The following SYTL2 variants were observed in gnomAD, a reference collection of about 807,000 sequenced individuals.
SYTL2 encodes the protein synaptotagmin like 2.
Under a neutral mutation model 198.7 loss-of-function variants are expected in SYTL2, and 165 were observed. The observed-to-expected ratio is 0.83, with a 90% CI of 0.73 to 0.94. The LOEUF is 0.94. Among genes scored for constraint, SYTL2 ranks in the 40% least tolerant of loss-of-function variants. The pLI is 0.00. For synonymous variants in SYTL2, 966 were observed against 917.7 expected (o/e 1.05, Z -0.95); for missense variants, 2,835 against 2,582.8 (o/e 1.10, Z -2.12).
Position 85,695,140 on chromosome 11 carries a change from G to A in SYTL2, c.*55C>T. ...TTTGTCCACCTACTCAGATTTTCAA[G>A]ATCAGATTCCACCGGTTTAGTAGTT... On this transcript the variant is annotated 3_prime_UTR_variant, in exon 20 of 20. Transcript: ENST00000359152. 1 of 1,548,478 alleles carries A rather than the reference G, an allele frequency of 6.5e-7. No individual in the cohort carries two copies. The highest frequency in any genetic ancestry group is 1.9e-5 in the Admixed American group (1 of 53,348).
At chr11:85,751,997 A>C (rs1178708098) in intron 2 of SYTL2, among the ~76,000 whole-genome samples, 1 of 152,158 alleles carries the variant, frequency 6.6e-6, no homozygotes, top group East Asian at 1.9e-4. Context: ...TACAGAGGAA[A>C]GCCAGAAGAG....
At chr11:85,740,276 T>C (rs1197302249) in intron 4 of SYTL2, among the ~76,000 whole-genome samples, 1 of 152,166 alleles carries the variant, frequency 6.6e-6, no homozygotes, top group East Asian at 1.9e-4. Context: ...CTGACTCTGC[T>C]ATTTCCACTT....
At position 85,804,149 on chromosome 11, in the gene SYTL2, C is replaced by A. The variant is rs187478425; in HGVS notation, c.-390+6805G>T. Among the ~76,000 whole-genome samples, 180 of 152,200 alleles carry A rather than the reference C, an allele frequency of 1.2e-3. 2 individuals carry two copies. The highest frequency in any genetic ancestry group is 3.9e-3 in the African/African-American group (161 of 41,518). On this transcript the variant is annotated intron_variant, in intron 1 of 19. Coordinates refer to ENST00000359152, the MANE Select transcript of SYTL2 (RefSeq NM_206927.4). ...ATCACTTTGTAGTCTGGTGTCACCC[C>A]CTAATATTTCCTGAAATACTTAAAC...
At chr11:85,806,003 TA>T (rs1320224449) in intron 1 of SYTL2, among the ~76,000 whole-genome samples, 1 of 152,264 alleles carries the variant, frequency 6.6e-6, no homozygotes, top group Non-Finnish European at 1.5e-5. Context: ...AGTGGTTTTG[TA>T]GGTTGCAGGT....
the SYTL2 span, among the ~76,000 whole-genome samples, chr11:85,817,366 T>C: frequency 2.6e-5 from 4 of 152,194 alleles, no homozygotes; most frequent in Non-Finnish European, 4.4e-5. Flanking sequence ...CTGGGGCTAG[T>C]GACTAGTCTA....
intron 1 of SYTL2, among the ~76,000 whole-genome samples, chr11:85,781,960 G>A (rs1411001909): frequency 6.6e-6 from 1 of 152,182 alleles, no homozygotes; most frequent in Non-Finnish European, 1.5e-5. Context: ...TACCATTCTG[G>A]GGTCTGGAGG....
the SYTL2 span, among the ~76,000 whole-genome samples, chr11:85,823,780 A>C: frequency 6.6e-6 from 1 of 152,350 alleles, no homozygotes; most frequent in South Asian, 2.1e-4. Context: ...CAAAGCTTTA[A>C]GATTTTACTC....
At chr11:85,843,509 T>A in the SYTL2 span, among the ~76,000 whole-genome samples, 6 of 152,186 alleles carry the variant, frequency 3.9e-5, no homozygotes, top group South Asian at 1.0e-3. Flanking sequence ...GGGTGGAAGA[T>A]AATGAGTTTG....
the SYTL2 span, among the ~76,000 whole-genome samples, chr11:85,846,472 A>G: frequency 6.6e-6 from 1 of 152,176 alleles, no homozygotes; most frequent in African/African-American, 2.4e-5. Context: ...CTTGTTACCC[A>G]GGCTGGAGTA....
chr11:85,697,577 A>G (rs1228188030), intron 18 of SYTL2, among the ~76,000 whole-genome samples: 2 of 152,250 alleles, frequency 1.3e-5, no homozygotes, highest in Non-Finnish European at 2.9e-5. Context: ...AGTCTCATAC[A>G]ATGACCGTTT....
At chr11:85,830,378 T>C in the SYTL2 span, among the ~76,000 whole-genome samples, 1 of 152,224 alleles carries the variant, frequency 6.6e-6, no homozygotes, top group Non-Finnish European at 1.5e-5. Context: ...CTTCAGAGTT[T>C]ATAAACCCAT....
intron 1 of SYTL2, among the ~76,000 whole-genome samples, chr11:85,806,478 GC>G (rs2092960360): frequency 6.6e-6 from 1 of 152,194 alleles, no homozygotes; most frequent in African/African-American, 2.4e-5. Context: ...TTTTAAACCT[GC>G]TTTCATTATA....
chr11:85,827,762 G>A, the SYTL2 span, among the ~76,000 whole-genome samples: 1 of 152,156 alleles, frequency 6.6e-6, no homozygotes. Flanking sequence ...ACCCAGATAT[G>A]GGGTAGTCAT....
At chr11:85,760,480 C>T (rs535114849) in intron 1 of SYTL2, among the ~76,000 whole-genome samples, 3 of 152,254 alleles carry the variant, frequency 2.0e-5, no homozygotes, top group Admixed American at 6.5e-5. Flanking sequence ...ACAATATCAC[C>T]AAGAGATGGC....
At chr11:85,735,698 A>C (rs951049095) in intron 6 of SYTL2, among the ~76,000 whole-genome samples, 3 of 152,156 alleles carry the variant, frequency 2.0e-5, no homozygotes, top group Non-Finnish European at 4.4e-5. Context: ...CGAAGGGTGC[A>C]GTGAGCCGAG....
the SYTL2 span, among the ~76,000 whole-genome samples, chr11:85,851,646 A>C: frequency 6.6e-6 from 1 of 152,244 alleles, no homozygotes; most frequent in African/African-American, 2.4e-5. Flanking sequence ...GGTAAACACT[A>C]TAAGAAAAAC....
chr11:85,854,576 C>G, the SYTL2 span: 3 of 152,106 alleles, frequency 2.0e-5, no homozygotes, highest in African/African-American at 7.2e-5. Flanking sequence ...AGCATTTAGT[C>G]CAGGGACCTG....
chr11:85,713,550 A>G (rs1368767536), intron 12 of SYTL2, among the ~76,000 whole-genome samples: 1 of 152,200 alleles, frequency 6.6e-6, no homozygotes, highest in African/African-American at 2.4e-5. Flanking sequence ...ACCTGACTGC[A>G]AGAACATGGA....
chr11:85,825,088 G>A, the SYTL2 span, among the ~76,000 whole-genome samples: 1 of 152,150 alleles, frequency 6.6e-6, no homozygotes, highest in African/African-American at 2.4e-5. Flanking sequence ...CTAATACATA[G>A]CTTACTTATG....
Sources: gnomAD v4.1 joint callset for allele counts (sites outside exome capture counted in the v4.1 genomes callset) on GRCh38, gnomAD v4.1.1 for gene constraint, MANE v1.5 for transcripts, NCBI Gene and HGNC (gene_info 2026-07-23, HGNC 2026-07-21) for gene names.